Variants in RANBP2 observed in about 807,000 individuals in gnomAD.
RANBP2 encodes the protein RAN binding protein 2, also known as E3 SUMO-protein ligase RanBP2.
A neutral mutation model predicts 303.6 loss-of-function variants in RANBP2; 57 were observed. The observed-to-expected ratio is 0.19, with a 90% CI of 0.15 to 0.23. RANBP2 has a LOEUF of 0.23. Ranked by LOEUF, RANBP2 falls within the 10% of genes least tolerant of loss-of-function variation. The pLI, the probability that RANBP2 is intolerant of heterozygous loss-of-function variation, is 1.00. For synonymous variants in RANBP2, 1,167 were observed against 1,301.5 expected, an observed-to-expected ratio of 0.90 and a Z score of 2.23; for missense variants, 3,138 against 3,780.8, an observed-to-expected ratio of 0.83 and a Z score of 4.46.
rs573928369 is a variant in RANBP2 at position 108,775,734 on chromosome 2, A to C, written c.8295A>C (p.Lys2765Asn). The part of the protein sequence containing the change: ...SELQKVQEAQ[K>N]SQTEEITSTT... ...ATTTTGTGACTTCCTCTTTGCAGAA[A>C]TCTCAGACAGAAGAAATAACTAGCA... The change falls in exon 24 of 29, where the codon AAA becomes AAC. Residue 2765 changes from lysine to asparagine, a missense_variant and splice_region_variant. Around this residue, in one of 20 missense-constraint regions of RANBP2, gnomAD observed 497 missense variants for 465.8 expected, o/e 1.07. Coordinates refer to ENST00000283195, the MANE Select transcript of RANBP2 (RefSeq NM_006267.5). The C allele has an allele frequency of 6.2e-7, 1 of 1,613,618 alleles. No homozygotes were observed. The highest frequency in any genetic ancestry group is 8.5e-7 in the Non-Finnish European group (1 of 1,179,876).
chr2:109,104,187 T>A, the RANBP2 span, among the ~76,000 whole-genome samples: 3 of 152,236 alleles, frequency 2.0e-5, no homozygotes, highest in African/African-American at 7.2e-5. Context: ...GGTAAAATGC[T>A]TTGATTTCCT....
At chr2:109,003,700 T>C in the RANBP2 span, among the ~76,000 whole-genome samples, 5 of 152,126 alleles carry the variant, frequency 3.3e-5, no homozygotes, top group Non-Finnish European at 5.9e-5. Flanking sequence ...AATGAGCCAC[T>C]GCGCCCAGCC....
chr2:109,388,995 A>T, the RANBP2 span, among the ~76,000 whole-genome samples: 2 of 152,298 alleles, frequency 1.3e-5, no homozygotes, highest in South Asian at 4.1e-4. Context: ...TGTAAACCAC[A>T]GCCCAATGCA....
chr2:109,371,042 A>G, the RANBP2 span, among the ~76,000 whole-genome samples: 1 of 152,250 alleles, frequency 6.6e-6, no homozygotes, highest in East Asian at 1.9e-4. Context: ...ACTCTGTGGT[A>G]CATTGCCAGG....
chr2:109,178,000 A>G, the RANBP2 span, among the ~76,000 whole-genome samples: 1 of 152,186 alleles, frequency 6.6e-6, no homozygotes, highest in African/African-American at 2.4e-5. Context: ...ATTAGACCTA[A>G]ACAAAGGGCC....
At chr2:108,907,198 A>C in the RANBP2 span, among the ~76,000 whole-genome samples, 2 of 152,220 alleles carry the variant, frequency 1.3e-5, no homozygotes, top group South Asian at 2.1e-4. Context: ...GCATAGAAGA[A>C]AAACGTTGTG....
the RANBP2 span, chr2:108,910,581 T>C: frequency 1.6e-5 from 25 of 1,525,782 alleles, no homozygotes; most frequent in Middle Eastern, 1.7e-4. Flanking sequence ...AATTGGCTCA[T>C]GGCTCTGCGC....
the RANBP2 span, chr2:109,129,687 G>T: frequency 6.6e-7 from 1 of 1,525,496 alleles, no homozygotes; most frequent in South Asian, 1.2e-5. Context: ...TGGACGAGTC[G>T]TCGCTGCTGG....
the RANBP2 span, among the ~76,000 whole-genome samples, chr2:109,663,393 A>G: frequency 1.6e-4 from 25 of 152,172 alleles, no homozygotes; most frequent in African/African-American, 5.1e-4. Flanking sequence ...CATTTCAGCA[A>G]TCCACTGTGG....
the RANBP2 span, among the ~76,000 whole-genome samples, chr2:109,424,070 G>GGTACC: frequency 6.6e-6 from 1 of 152,328 alleles, no homozygotes; most frequent in African/African-American, 2.4e-5. Context: ...CATCCCCACC[G>GGTACC]GTACCGGCAT....
the RANBP2 span, among the ~76,000 whole-genome samples, chr2:108,979,242 A>G: frequency 3.3e-5 from 5 of 152,286 alleles, no homozygotes; most frequent in East Asian, 1.9e-4. Context: ...TGCGTCTTAG[A>G]GCCCAGACAT....
the RANBP2 span, among the ~76,000 whole-genome samples, chr2:109,331,481 C>T: frequency 3.9e-5 from 6 of 152,160 alleles, no homozygotes; most frequent in Non-Finnish European, 8.8e-5. Context: ...AACCTCAGGG[C>T]TCCCGCGTCT....
At chr2:109,432,359 T>G in the RANBP2 span, 1 of 1,083,826 alleles carries the variant, frequency 9.2e-7, no homozygotes, top group African/African-American at 1.6e-5. Flanking sequence ...GTGAGGCCTC[T>G]GTAAACTGCA....
chr2:109,225,065 C>T, the RANBP2 span, among the ~76,000 whole-genome samples: 2 of 152,174 alleles, frequency 1.3e-5, no homozygotes, highest in African/African-American at 4.8e-5. Flanking sequence ...TGACACCTGG[C>T]CTGGAGCCTT....
the RANBP2 span, chr2:108,846,771 G>A: frequency 5.6e-5 from 91 of 1,612,608 alleles, no homozygotes; most frequent in Non-Finnish European, 7.0e-5. Context: ...GAGGAGATTG[G>A]GTGAAGACAT....
chr2:109,697,799 T>G, the RANBP2 span, among the ~76,000 whole-genome samples: 2 of 152,108 alleles, frequency 1.3e-5, no homozygotes, highest in Non-Finnish European at 2.9e-5. Flanking sequence ...CATCCTTCCC[T>G]TATTCATTAT....
chr2:109,250,984 T>C, the RANBP2 span, among the ~76,000 whole-genome samples: 1 of 152,042 alleles, frequency 6.6e-6, no homozygotes. Context: ...GCTTTTTTTT[T>C]CAAATTATTA....
At chr2:108,933,267 A>G in the RANBP2 span, among the ~76,000 whole-genome samples, 1 of 152,200 alleles carries the variant, frequency 6.6e-6, no homozygotes, top group Non-Finnish European at 1.5e-5. Flanking sequence ...GGGGGTGACC[A>G]AGGACTGAGG....
At chr2:109,681,945 A>T in the RANBP2 span, among the ~76,000 whole-genome samples, 1 of 152,184 alleles carries the variant, frequency 6.6e-6, no homozygotes, top group African/African-American at 2.4e-5. Flanking sequence ...TGCCTGTGTG[A>T]TGGCATCACT....
Sources: allele counts gnomAD v4.1 joint callset (sites outside exome capture counted in the v4.1 genomes callset), GRCh38; gene constraint gnomAD v4.1.1; regional missense constraint gnomAD v4.1.1; transcripts MANE v1.5; gene names NCBI Gene and HGNC (gene_info 2026-07-23, HGNC 2026-07-21).